ASTN2: variants seen among roughly 807,000 people sequenced by gnomAD.
The protein encoded by ASTN2 is astrotactin 2.
ASTN2 carries 54 observed loss-of-function variants against 139.8 expected under a neutral mutation model. The ratio of observed to expected loss-of-function variants is 0.39; its 90% CI spans 0.31 to 0.48. The LOEUF (loss-of-function observed/expected upper bound fraction) is 0.48, where lower values mean the gene tolerates loss of function less well. Among genes scored for constraint, ASTN2 ranks in the 20% least tolerant of loss-of-function variants. ASTN2 has a pLI of 0.95. For synonymous variants in ASTN2, 756 were observed against 719.5 expected, an observed-to-expected ratio of 1.05 and a Z score of -0.81; for missense variants, 1,565 against 1,725.1, an observed-to-expected ratio of 0.91 and a Z score of 1.64.
intron 22 of ASTN2, 115 bp from the exon 23 acceptor site, chr9:116,426,203 C>A: frequency 3.8e-6 from 5 of 1,324,716 alleles, no homozygotes; most frequent in Non-Finnish European, 5.2e-6. Context: ...TTCCTATCTA[C>A]TCCAGATTGG....
chr9:117,185,332 C>T (rs1297711272), intron 3 of ASTN2, among the ~76,000 whole-genome samples: 1 of 152,200 alleles, frequency 6.6e-6, no homozygotes, highest in East Asian at 1.9e-4. Context: ...TTTCACAAAT[C>T]AGTCTCCTTT....
intron 4 of ASTN2, among the ~76,000 whole-genome samples, chr9:117,122,970 GA>G (rs746055915): frequency 3.3e-5 from 5 of 152,116 alleles, no homozygotes; most frequent in Non-Finnish European, 5.9e-5. Context: ...ATGAGGAGCA[GA>G]AAGCTCCAAA....
rs1834119791 is a variant in ASTN2, at chr9:116,905,114, GAA to G, written c.1890-41383_1890-41382del. Among the ~76,000 whole-genome samples, 8 of 144,408 alleles carry G rather than the reference GAA, an allele frequency of 5.5e-5. No individual in the cohort carries two copies. In the South Asian group the frequency reaches 2.0e-3, roughly 36 times the overall value. The allele number at this position is 144,408 out of a possible 152,430, so 94.7% of individuals were successfully genotyped here. A position where few individuals can be genotyped will look rare whatever the true frequency, so the allele number is the denominator to read the frequency against. Reference sequence around the variant, plus strand: ...AGAGTCTTGGCTATTTGAGGAAACTGAAAAGACTGCCCAGGGAGCTAATCTTG... The same window carrying G: ...AGAGTCTTGGCTATTTGAGGAAACTGAAGACTGCCCAGGGAGCTAATCTTG... On this transcript the variant is annotated intron_variant, in intron 10 of 22. Coordinates refer to ENST00000313400, the MANE Select transcript of ASTN2 (RefSeq NM_001365068.1).
At chr9:116,454,441 C>A (rs1373230158) in intron 20 of ASTN2, among the ~76,000 whole-genome samples, 1 of 152,026 alleles carries the variant, frequency 6.6e-6, no homozygotes, top group African/African-American at 2.4e-5. Context: ...CACTTTTACA[C>A]TGTTGGTGGG....
chr9:117,325,100 G>A (rs1587948613), intron 1 of ASTN2, among the ~76,000 whole-genome samples: 1 of 152,026 alleles, frequency 6.6e-6, no homozygotes, highest in Admixed American at 6.6e-5. Flanking sequence ...AACAGAGAGT[G>A]GAATCATCCA....
At chr9:116,471,568 G>C (rs1848814256) in intron 20 of ASTN2, among the ~76,000 whole-genome samples, 1 of 152,016 alleles carries the variant, frequency 6.6e-6, no homozygotes, top group South Asian at 2.1e-4. Flanking sequence ...GCATCCCGGG[G>C]AAAGAGGGAC....
chr9:116,477,644 T>C (rs1588095382), intron 20 of ASTN2, among the ~76,000 whole-genome samples: 1 of 151,214 alleles, frequency 6.6e-6, no homozygotes. Flanking sequence ...AGAGAGGGAC[T>C]GAGAAGTGAT....
intron 4 of ASTN2, among the ~76,000 whole-genome samples, chr9:117,098,666 G>T (rs915219653): frequency 2.6e-5 from 4 of 151,936 alleles, no homozygotes; most frequent in African/African-American, 4.8e-5. Context: ...TAAAGGCTTA[G>T]CTTTGAAGTG....
chr9:116,853,407 G>A (rs1452897427), intron 11 of ASTN2, among the ~76,000 whole-genome samples: 1 of 152,184 alleles, frequency 6.6e-6, no homozygotes, highest in African/African-American at 2.4e-5. Flanking sequence ...AGGAGAAGGT[G>A]TCTGATGATC....
intron 19 of ASTN2, among the ~76,000 whole-genome samples, chr9:116,575,542 T>A (rs1313056461): frequency 2.0e-5 from 3 of 152,186 alleles, no homozygotes; most frequent in Non-Finnish European, 2.9e-5. Flanking sequence ...AGCATCTAGG[T>A]TGACACATAG....
At chr9:116,669,764 T>C (rs2131983599) in intron 16 of ASTN2, among the ~76,000 whole-genome samples, 1 of 152,298 alleles carries the variant, frequency 6.6e-6, no homozygotes, top group South Asian at 2.1e-4. Context: ...CAGAAGTTTT[T>C]CATTTTAATG....
At chr9:116,789,807 A>G (rs1042764554) in intron 13 of ASTN2, among the ~76,000 whole-genome samples, 1 of 152,136 alleles carries the variant, frequency 6.6e-6, no homozygotes, top group African/African-American at 2.4e-5. Flanking sequence ...CGCACACTAC[A>G]ACACAATTTT....
intron 19 of ASTN2, among the ~76,000 whole-genome samples, chr9:116,597,305 T>TTTTTTTTTG (rs1854635338): frequency 2.0e-5 from 1 of 49,202 alleles, no homozygotes; most frequent in East Asian, 2.0e-3. Context: ...ATCTATTTTT[T>TTTTTTTTTG]TTTTTTTTTT....
At chr9:117,310,520 T>C (rs912351677) in intron 1 of ASTN2, among the ~76,000 whole-genome samples, 1 of 152,268 alleles carries the variant, frequency 6.6e-6, no homozygotes. Context: ...TTTTAAGTCT[T>C]CCACCTATCT....
chr9:117,100,204 T>C (rs1381101493), intron 4 of ASTN2, among the ~76,000 whole-genome samples: 2 of 152,212 alleles, frequency 1.3e-5, no homozygotes, highest in Non-Finnish European at 2.9e-5. Flanking sequence ...ATAACTACCA[T>C]AAGGGTTTCC....
chr9:117,096,231 G>GC, intron 4 of ASTN2, 80 bp from the exon 5 acceptor site: 1 of 1,133,324 alleles, frequency 8.8e-7, no homozygotes, highest in Non-Finnish European at 1.3e-6. Flanking sequence ...CCAGAGATCA[G>GC]CAATCCCATC....
intron 1 of ASTN2, among the ~76,000 whole-genome samples, chr9:117,306,902 T>C (rs1835013925): frequency 6.6e-6 from 1 of 152,168 alleles, no homozygotes; most frequent in Admixed American, 6.5e-5. Context: ...AGAAGGAACA[T>C]GTTGCCAGAG....
chr9:117,254,350 T>A (rs1280940143), intron 2 of ASTN2, among the ~76,000 whole-genome samples: 1 of 152,222 alleles, frequency 6.6e-6, no homozygotes, highest in East Asian at 1.9e-4. Flanking sequence ...CATTTATCAT[T>A]ATTATTGATA....
intron 17 of ASTN2, among the ~76,000 whole-genome samples, chr9:116,649,193 C>T (rs1302680083): frequency 6.6e-6 from 1 of 152,076 alleles, no homozygotes; most frequent in South Asian, 2.1e-4. Flanking sequence ...ATATTTATTG[C>T]ATCTGTATTT....
Sources: gnomAD v4.1 joint callset for allele counts (sites outside exome capture counted in the v4.1 genomes callset) on GRCh38, gnomAD v4.1.1 for gene constraint, MANE v1.5 for transcripts, NCBI Gene and HGNC (gene_info 2026-07-23, HGNC 2026-07-21) for gene names.